Variants in RGN observed in about 807,000 individuals in gnomAD.
RGN encodes the protein epididymis secretory protein Li 41.
In RGN, 19 loss-of-function variants were observed where a neutral mutation model predicts 20.6. That is an observed-to-expected ratio of 0.92 (90% confidence interval 0.64 to 1.35). RGN has a LOEUF of 1.35. Among genes scored for constraint, RGN ranks in the 40% most tolerant of loss-of-function variants. The pLI is 0.00. For missense variants in RGN, 302 were observed against 232.7 expected (o/e 1.30, Z -1.94); for synonymous variants, 85 against 87.2 (o/e 0.97, Z 0.14).
Position 47,089,778 on chromosome X carries a change from A to C in RGN, c.349A>C (p.Thr117Pro). The C allele has an allele frequency of 8.3e-7, 1 of 1,203,898 alleles. No homozygotes were observed. The highest frequency in any genetic ancestry group is 1.8e-5 in the African/African-American group (1 of 56,740). The part of the protein sequence containing the change: ...VDPAGRYFAG[T>P]MAEETAPAVL... ...TCAGTGCTCTTTGGTTTTTGTAGGCACCATGGCTGAGGAAACAGCTCCAGC... is the reference window on the plus strand; with the variant it reads ...TCAGTGCTCTTTGGTTTTTGTAGGCCCCATGGCTGAGGAAACAGCTCCAGC... The change falls in exon 5 of 8, where the codon ACC becomes CCC. Residue 117 changes from threonine (T) to proline (P), a missense_variant and splice_region_variant. Coordinates refer to ENST00000397180, the MANE Select transcript of RGN (RefSeq NM_152869.4).
intron 4 of RGN, among the ~76,000 whole-genome samples, chrX:47,088,025 C>A (rs1556384997): frequency 1.0e-5 from 1 of 99,758 alleles, no homozygotes; most frequent in African/African-American, 3.6e-5. Flanking sequence ...CTGGCAGATG[C>A]ATAACACTAG....
rs782365638 is a variant in RGN at position 47,090,021 on chromosome X, C to T, written c.562+30C>T. ...GTATTTTTCATTATTTGTCTCAGTGCTGCCACTATTGTTTTCATATGTTTG... is the reference window on the plus strand; with the variant it reads ...GTATTTTTCATTATTTGTCTCAGTGTTGCCACTATTGTTTTCATATGTTTG... On this transcript the variant is annotated intron_variant, in intron 5 of 7. Coordinates refer to ENST00000397180, the MANE Select transcript of RGN (RefSeq NM_152869.4). 1.5e-5 allele frequency: 16 copies of T among 1,052,536 alleles called. No individual in the cohort carries two copies. The South Asian group carries it at 3.4e-4, about 22-fold the overall frequency. 86.7% of individuals were successfully genotyped at this position (1,052,536 alleles called of 1,213,427 possible).
chrX:47,080,930 G>A lies in RGN; in HGVS notation c.-22G>A, dbSNP rs927118676. On this transcript the variant is annotated 5_prime_UTR_variant, in exon 2 of 8. Coordinates refer to ENST00000397180, the MANE Select transcript of RGN (RefSeq NM_152869.4). ...TTTTGAAAGATCATTCGAGAAACAC[G>A]TCACTGGTAAGTTGGTTGAAGATGT... The A allele has an allele frequency of 2.2e-5, 8 of 363,420 alleles. No individual in the cohort carries two copies. The highest frequency in any genetic ancestry group is 2.1e-4 in the African/African-American group (8 of 38,346). 29.9% of individuals were successfully genotyped at this position (363,420 alleles called of 1,213,427 possible).
chrX:47,091,669 T>C lies in RGN; in HGVS notation c.563-9T>C. 8.3e-7 allele frequency: 1 copy of C among 1,202,349 alleles called. No homozygotes were observed. Among genetic ancestry groups the C allele is most frequent in the South Asian group, 1.8e-5 (1 of 54,972 alleles). On this transcript the variant is annotated splice_polypyrimidine_tract_variant and intron_variant, in intron 5 of 7. Transcript: ENST00000397180. ...TGGTTCTGTTTTTGTTTTTGCCTTTTAACCATAGCCAACCGCAGAAGTGTT... is the reference window on the plus strand; with the variant it reads ...TGGTTCTGTTTTTGTTTTTGCCTTTCAACCATAGCCAACCGCAGAAGTGTT...
chrX:47,090,008 A>AT lies in RGN; in HGVS notation c.562+20dup. 4.5e-6 allele frequency: 5 copies of AT among 1,114,576 alleles called. No homozygotes were observed. Among genetic ancestry groups the AT allele is most frequent in the Non-Finnish European group, 6.1e-6 (5 of 819,228 alleles). The allele number at this position is 1,114,576 out of a possible 1,213,427, so 91.9% of individuals were successfully genotyped here. On this transcript the variant is annotated intron_variant, in intron 5 of 7. Transcript: ENST00000397180. Reference sequence around the variant, plus strand: ...GACAGATCTGTATGTATTTTTCATTATTTGTCTCAGTGCTGCCACTATTGT... The same window carrying AT: ...GACAGATCTGTATGTATTTTTCATTATTTTGTCTCAGTGCTGCCACTATTGT...
chrX:47,084,013 AATTTTCTGGAGC>A (rs1317698633), intron 3 of RGN, among the ~76,000 whole-genome samples: 1 of 110,790 alleles, frequency 9.0e-6, no homozygotes, highest in African/African-American at 3.3e-5. Flanking sequence ...TGTGTCTCTG[AATTTTCTGGAGC>A]ATTTTCTGGC....
chrX:47,088,591 G>A (rs1175870980), intron 4 of RGN, among the ~76,000 whole-genome samples: 1 of 110,299 alleles, frequency 9.1e-6, no homozygotes, highest in Admixed American at 9.9e-5. Context: ...CAAGTAATCT[G>A]GGGTTGTGTT....
At chrX:47,082,617 A>G (rs1930390200) in intron 3 of RGN, among the ~76,000 whole-genome samples, 2 of 111,211 alleles carry the variant, frequency 1.8e-5, no homozygotes, top group Non-Finnish European at 1.9e-5. Context: ...CCAGCCTTAA[A>G]CTTCTTTATT....
At chrX:47,091,998 G>A in intron 6 of RGN, 63 bp from the exon 7 acceptor site, 1 of 1,067,336 alleles carries the variant, frequency 9.4e-7, no homozygotes, top group East Asian at 3.1e-5. Flanking sequence ...ATCTTCCCTA[G>A]AAACAATACA....
At chrX:47,087,672 G>T (rs1930655305) in intron 4 of RGN, 1 of 108,036 alleles carries the variant, frequency 9.3e-6, no homozygotes, top group Non-Finnish European at 1.9e-5. Flanking sequence ...GGCCTCCAAG[G>T]CCTCCATTCT....
At chrX:47,091,953 G>A (rs1931034577) in intron 6 of RGN, 108 bp from the exon 7 acceptor site, 2 of 955,168 alleles carry the variant, frequency 2.1e-6, no homozygotes, top group Non-Finnish European at 2.9e-6. Context: ...AATATTAAAT[G>A]CACAGATGAA....
intron 5 of RGN, among the ~76,000 whole-genome samples, chrX:47,090,936 G>GGAAAGAA (rs1930953138): frequency 2.3e-5 from 1 of 43,193 alleles, no homozygotes; most frequent in African/African-American, 6.8e-5. Context: ...AAGAAAGAAA[G>GGAAAGAA]AAAGAAAGAA....
At position 47,093,224 on chromosome X, in the gene RGN, G is replaced by A. The variant is rs782458576; in HGVS notation, c.*277G>A. On this transcript the variant is annotated 3_prime_UTR_variant, in exon 8 of 8. Coordinates refer to ENST00000397180, the MANE Select transcript of RGN (RefSeq NM_152869.4). ...TTGATTCTTTGTAAATTGCCAGGGT[G>A]GGTGGGTACATATCTCTTCTTGATT... The A allele has an allele frequency of 2.0e-4, 64 of 326,959 alleles. No individual in the cohort carries two copies. Among genetic ancestry groups the A allele is most frequent in the Admixed American group, 5.0e-4 (9 of 18,047 alleles). 26.9% of individuals were successfully genotyped at this position (326,959 alleles called of 1,213,427 possible). A position where few individuals can be genotyped will look rare whatever the true frequency, so the allele number is the denominator to read the frequency against.
chrX:47,086,015 A>G (rs1178850394), intron 4 of RGN, among the ~76,000 whole-genome samples: 2 of 112,353 alleles, frequency 1.8e-5, no homozygotes, highest in Non-Finnish European at 1.9e-5. Context: ...TCCCTCCAGC[A>G]CAGGATGCAG....
intron 7 of RGN, 36 bp from the exon 8 acceptor site, chrX:47,092,861 C>T: frequency 1.8e-6 from 2 of 1,139,858 alleles, no homozygotes; most frequent in Non-Finnish European, 2.4e-6. Flanking sequence ...TGTGAATTAC[C>T]TTTCACCTGA....
chrX:47,078,983 A>G (rs1453183428), intron 1 of RGN, among the ~76,000 whole-genome samples: 1 of 80,713 alleles, frequency 1.2e-5, no homozygotes, highest in Non-Finnish European at 2.3e-5. Context: ...TTTCCGAGAC[A>G]AGGTCTCAGT....
chrX:47,083,312 T>C (rs782128713), intron 3 of RGN, among the ~76,000 whole-genome samples: 3 of 108,088 alleles, frequency 2.8e-5, no homozygotes, highest in East Asian at 5.9e-4. Context: ...GGCAGGAGAA[T>C]CCTTTGAACC....
At chrX:47,086,586 G>A (rs1323848340) in intron 4 of RGN, among the ~76,000 whole-genome samples, 1 of 109,658 alleles carries the variant, frequency 9.1e-6, no homozygotes, top group Non-Finnish European at 1.9e-5. Flanking sequence ...CTGCAGCCTC[G>A]GAAAAGGCTG....
chrX:47,079,356 GTTT>G (rs201087134), intron 1 of RGN, among the ~76,000 whole-genome samples: 1,068 of 50,585 alleles, frequency 0.021, 11 homozygotes, highest in African/African-American at 0.11. Flanking sequence ...TTTTTTGTTT[GTTT>G]TTTTTTTTGT....
Sources: allele counts gnomAD v4.1 joint callset (sites outside exome capture counted in the v4.1 genomes callset), GRCh38; gene constraint gnomAD v4.1.1; transcripts MANE v1.5; gene names NCBI Gene and HGNC (gene_info 2026-07-23, HGNC 2026-07-21).